The following ERRFI1 variants were observed in gnomAD, a reference collection of about 807,000 sequenced individuals.
The protein encoded by ERRFI1 is mitogen-inducible gene 6 protein.
ERRFI1 carries 12 observed loss-of-function variants against 14.6 expected under a neutral mutation model. The ratio of observed to expected loss-of-function variants is 0.82; its 90% CI spans 0.53 to 1.33. The LOEUF is 1.33. Among genes scored for constraint, ERRFI1 ranks in the 40% most tolerant of loss-of-function variants. The pLI is 0.00. For synonymous variants in ERRFI1, 202 were observed against 209.9 expected, an observed-to-expected ratio of 0.96 and a Z score of 0.32; for missense variants, 482 against 572.1, an observed-to-expected ratio of 0.84 and a Z score of 1.61.
intron 1 of ERRFI1, among the ~76,000 whole-genome samples, chr1:8,022,597 T>A (rs1557467887): frequency 6.6e-6 from 1 of 152,218 alleles, no homozygotes; most frequent in Non-Finnish European, 1.5e-5. Flanking sequence ...TTCCCCACAC[T>A]TTCACTACCT....
intron 1 of ERRFI1, among the ~76,000 whole-genome samples, chr1:8,025,579 G>A (rs1232559082): frequency 3.3e-5 from 5 of 152,146 alleles, no homozygotes; most frequent in African/African-American, 4.8e-5. Flanking sequence ...GCAAGCAATC[G>A]CCGAGCCTCC....
At chr1:8,024,122 T>A (rs1306082410) in intron 1 of ERRFI1, among the ~76,000 whole-genome samples, 2 of 152,322 alleles carry the variant, frequency 1.3e-5, no homozygotes, top group East Asian at 3.9e-4. Context: ...TCAGGTCAGT[T>A]TCAAGCATGT....
chr1:8,023,736 CTCAG>C (rs982413285), intron 1 of ERRFI1, among the ~76,000 whole-genome samples: 7 of 152,178 alleles, frequency 4.6e-5, no homozygotes, highest in Non-Finnish European at 1.0e-4. Flanking sequence ...CTGAACCCCC[CTCAG>C]TAACTTTTCC....
At chr1:8,021,054 T>G (rs971637005) in intron 1 of ERRFI1, among the ~76,000 whole-genome samples, 1 of 152,212 alleles carries the variant, frequency 6.6e-6, no homozygotes, top group Non-Finnish European at 1.5e-5. Context: ...ATGGCTTCAG[T>G]AAACATTAAA....
rs1261025055 is a variant in ERRFI1, at chr1:8,014,236, A to T, written c.363T>A (p.Asn121Lys). Residue 121 changes from asparagine to lysine, a missense_variant, in exon 4 of 4, where the codon AAT becomes AAA. Asn to Lys is a moderately conservative substitution (Grantham distance 94). Transcript: ENST00000377482. ...VVCGFKKLTV[N>K]GVCASTPPLT... ...GTGGAGGGGTGGAAGCACAAACCCC[A>T]TTCACTGTGAGTTTCTTAAAACCAC... 7.4e-6 allele frequency: 12 copies of T among 1,614,126 alleles called. No individual in the cohort carries two copies. The East Asian group carries it at 2.7e-4, about 36-fold the overall frequency.
rs1397356223 is a variant in ERRFI1 at position 8,013,309 on chromosome 1, G to A, written c.1290C>T (p.Cys430=). 2.5e-6 allele frequency: 4 copies of A among 1,614,020 alleles called. No homozygotes were observed. Among genetic ancestry groups the A allele is most frequent in the African/African-American group, 1.3e-5 (1 of 74,890 alleles). ...GCTTTTCTGTGGCTGAAGATATACC[G>A]CAGTCAGCAGGTAATGGCTGGATTT... ...GAQIQPLPAD[C]GISSATEKPD... is the part of the protein sequence containing the mutation. Residue 430 remains cysteine (C), a synonymous_variant, in exon 4 of 4, where the codon TGC becomes TGT. Transcript: ENST00000377482. The surrounding 1 kb of genome is among the most constrained non-coding windows in gnomAD (Gnocchi z 4.3).
intron 1 of ERRFI1, among the ~76,000 whole-genome samples, chr1:8,024,621 T>A (rs1455585566): frequency 6.6e-6 from 1 of 152,132 alleles, no homozygotes; most frequent in African/African-American, 2.4e-5. Context: ...TTATCGAGTG[T>A]CCCCTGGAAC....
chr1:8,013,278 AGTCT>A lies in ERRFI1; in HGVS notation c.1317_1320del (p.Asp440GlnfsTer11), dbSNP rs1293006993. 6.2e-7 allele frequency: 1 copy of A among 1,613,804 alleles called. No homozygotes were observed. ...CCACCCAGATCCATTTTTGTTTTTG[AGTCT>A]GGCTTTTCTGTGGCTGAAGATATAC... On this transcript the variant is annotated frameshift_variant, in exon 4 of 4. Coordinates refer to ENST00000377482, the MANE Select transcript of ERRFI1 (RefSeq NM_018948.4). LOFTEE classifies it low-confidence loss of function (END_TRUNC). The surrounding 1 kb of genome is among the most constrained non-coding windows in gnomAD (Gnocchi z 4.3).
In ERRFI1 at chr1:8,014,093, C is replaced by G. The variant is rs2124060519; in HGVS notation, c.506G>C (p.Cys169Ser). 3 of 1,614,144 alleles carry G rather than the reference C, an allele frequency of 1.9e-6. No individual in the cohort carries two copies. The highest frequency in any genetic ancestry group is 2.5e-6 in the Non-Finnish European group (3 of 1,180,036). Residue 169 changes from cysteine to serine, a missense_variant, in exon 4 of 4, where the codon TGT becomes TCT. By Grantham distance (112) the Cys-to-Ser change is moderately radical. Transcript: ENST00000377482. ...TGAGCTAGTTAGGAATTCCACCTCA[C>G]AGTCTGTGTCATCCAGAGAGAGGGC... is the stretch of plus-strand genomic sequence containing the variant. The part of the protein sequence containing the change: ...SEALSLDDTD[C>S]EVEFLTSSDT...
intron 3 of ERRFI1, 180 bp downstream of exon 3, chr1:8,015,123 CAGTCG>C: frequency 1.7e-6 from 1 of 584,990 alleles, no homozygotes; most frequent in East Asian, 2.9e-5. Flanking sequence ...AGAATGAAGG[CAGTCG>C]AGTACAATAG....
rs1373015775 is a variant in ERRFI1, at chr1:8,013,229, G to A, written c.1370C>T (p.Ser457Phe). The A allele has an allele frequency of 4.3e-6, 7 of 1,612,748 alleles. No homozygotes were observed. The highest frequency in any genetic ancestry group is 1.7e-5 in the Admixed American group (1 of 59,714). ...LGGHVKRKHL[S>F]YVVSP ...CAAGGTCTAAGGAGAAACCACATAG[G>A]ATAAATGTTTACGCTTCACGTGGCC... The change falls in exon 4 of 4, where the codon TCC becomes TTC. Residue 457 changes from serine (S) to phenylalanine (F), a missense_variant. Transcript: ENST00000377482. This position sits in a 1 kb window ranked among gnomAD's most constrained non-coding sequence, Gnocchi z 4.3.
chr1:8,025,196 C>T (rs567939955), intron 1 of ERRFI1, among the ~76,000 whole-genome samples: 1 of 152,286 alleles, frequency 6.6e-6, no homozygotes. Flanking sequence ...ACCATCTATT[C>T]ATATTTTTAT....
In ERRFI1 at chr1:8,023,014, T is replaced by C. The variant is rs186074524; in HGVS notation, c.-74+3144A>G. Reference sequence around the variant, plus strand: ...TAGGATAAGGAGGCAGAGGAGCATATATTTACACAGGTGGTTTGGGAAGGC... The same window carrying C: ...TAGGATAAGGAGGCAGAGGAGCATACATTTACACAGGTGGTTTGGGAAGGC... On this transcript the variant is annotated intron_variant, in intron 1 of 3. Coordinates refer to ENST00000377482, the MANE Select transcript of ERRFI1 (RefSeq NM_018948.4). 3.2e-4 allele frequency among the ~76,000 whole-genome samples: 49 copies of C among 152,178 alleles called. No individual in the cohort carries two copies. The East Asian group carries it at 3.9e-3, about 12-fold the overall frequency.
chr1:8,021,487 A>G (rs1641273676), intron 1 of ERRFI1, among the ~76,000 whole-genome samples: 1 of 152,236 alleles, frequency 6.6e-6, no homozygotes, highest in Non-Finnish European at 1.5e-5. Flanking sequence ...TCTTTTTGAC[A>G]TATAACAATA....
Position 8,013,411 on chromosome 1 carries a change from T to C in ERRFI1, c.1188A>G (p.Leu396=). 2 of 1,614,222 alleles carry C rather than the reference T, an allele frequency of 1.2e-6. No individual in the cohort carries two copies. The highest frequency in any genetic ancestry group is 1.7e-6 in the Non-Finnish European group (2 of 1,180,048). The change falls in exon 4 of 4, where the codon CTA becomes CTG. Residue 396 remains leucine (L), a synonymous_variant. Coordinates refer to ENST00000377482, the MANE Select transcript of ERRFI1 (RefSeq NM_018948.4). The surrounding 1 kb of genome is among the most constrained non-coding windows in gnomAD (Gnocchi z 4.3). ...GKKVSSTHYY[L]LPERPPYLDK... is the part of the protein sequence containing the mutation. Reference sequence around the variant, plus strand: ...CCAGGTATGGTGGTCGTTCAGGTAGTAGGTAATAATGTGTTGAACTAACCT... The same window carrying C: ...CCAGGTATGGTGGTCGTTCAGGTAGCAGGTAATAATGTGTTGAACTAACCT...
Position 8,014,173 on chromosome 1 carries a change from A to G in ERRFI1, c.426T>C (p.Cys142=), listed in dbSNP as rs767249167. 4 of 1,614,036 alleles carry G rather than the reference A, an allele frequency of 2.5e-6. No homozygotes were observed. The East Asian group carries it at 8.9e-5, about 36-fold the overall frequency. ...TAGAACCCCGTTCACAAAGAGGGGC[A>G]CAGGGGAAAAGGGAAGGGGAGTTTT... ...PIKNSPSLFP[C]APLCERGSRP... Residue 142 remains cysteine, a synonymous_variant, in exon 4 of 4, where the codon TGT becomes TGC. Coordinates refer to ENST00000377482, the MANE Select transcript of ERRFI1 (RefSeq NM_018948.4).
intron 1 of ERRFI1, among the ~76,000 whole-genome samples, chr1:8,020,552 ATTTTTTT>A (rs36053481): frequency 7.5e-6 from 1 of 134,176 alleles, no homozygotes; most frequent in Admixed American, 7.6e-5. Context: ...AAAAACACCA[ATTTTTTT>A]TTTTTTTTTT....
rs1641110834 is a variant in ERRFI1 at position 8,013,141 on chromosome 1, TTCAA to T, written c.*65_*68del. On this transcript the variant is annotated 3_prime_UTR_variant, in exon 4 of 4. Coordinates refer to ENST00000377482, the MANE Select transcript of ERRFI1 (RefSeq NM_018948.4). The surrounding 1 kb of genome is among the most constrained non-coding windows in gnomAD (Gnocchi z 4.3). The stretch of plus-strand genomic sequence containing the variant: ...CAATCTAAGGGATTTTTCTCTGCAC[TTCAA>T]TCAAACTGGAAAATTGAGAACCATT... The T allele has an allele frequency of 1.5e-6, 2 of 1,376,190 alleles. No individual in the cohort carries two copies. Among genetic ancestry groups the T allele is most frequent in the Non-Finnish European group, 2.0e-6 (2 of 1,007,022 alleles). The allele number at this position is 1,376,190 out of a possible 1,614,324, so 85.2% of individuals were successfully genotyped here.
Position 8,013,573 on chromosome 1 carries a change from G to A in ERRFI1, c.1026C>T (p.Leu342=). ...TPSPKSLPSY[L]NGVMPPTQSF... is the part of the protein sequence containing the mutation. The stretch of plus-strand genomic sequence containing the variant: ...TCTGTGTCGGGGGCATGACCCCATT[G>A]AGGTAAGACGGAAGGCTTTTGGGAC... Residue 342 remains leucine (L), a synonymous_variant, in exon 4 of 4, where the codon CTC becomes CTT. Transcript: ENST00000377482. This position sits in a 1 kb window ranked among gnomAD's most constrained non-coding sequence, Gnocchi z 4.3. 1 of 1,614,158 alleles carries A rather than the reference G, an allele frequency of 6.2e-7. No individual in the cohort carries two copies. The highest frequency in any genetic ancestry group is 8.5e-7 in the Non-Finnish European group (1 of 1,180,036).
Sources: allele counts gnomAD v4.1 joint callset (sites outside exome capture counted in the v4.1 genomes callset), GRCh38; gene constraint gnomAD v4.1.1; non-coding constraint Gnocchi (gnomAD v3.1); transcripts MANE v1.5; gene names NCBI Gene and HGNC (gene_info 2026-07-23, HGNC 2026-07-21).